VWA3B: variants seen among roughly 807,000 people sequenced by gnomAD.
The protein encoded by VWA3B is von Willebrand factor A domain containing 3B, also known as von Willebrand factor A domain-containing protein 3B.
Under a neutral mutation model 158.3 loss-of-function variants are expected in VWA3B, and 138 were observed. The observed-to-expected ratio is 0.87, with a 90% CI of 0.76 to 1.00. VWA3B has a LOEUF of 1.00. VWA3B is among the 50% of genes least tolerant of loss of function. The pLI is 0.00. For synonymous variants in VWA3B, 596 were observed against 587.3 expected (o/e 1.01, Z -0.21); for missense variants, 1,555 against 1,565.1 (o/e 0.99, Z 0.11).
chr2:98,123,597 G>A (rs1675135503), intron 5 of VWA3B, among the ~76,000 whole-genome samples: 1 of 152,220 alleles, frequency 6.6e-6, no homozygotes, highest in Non-Finnish European at 1.5e-5. Context: ...CACTGAAAGA[G>A]CATGATTGAT....
At chr2:98,296,649 C>A (rs1689816989) in intron 23 of VWA3B, among the ~76,000 whole-genome samples, 1 of 152,200 alleles carries the variant, frequency 6.6e-6, no homozygotes, top group African/African-American at 2.4e-5. Flanking sequence ...GGAGCTGCTG[C>A]AGCACATGCC....
intron 13 of VWA3B, 170 bp downstream of exon 13, chr2:98,212,198 T>C: frequency 1.8e-6 from 1 of 557,270 alleles, no homozygotes; most frequent in Non-Finnish European, 3.2e-6. Context: ...GATTCTTTTG[T>C]CTCTGGAAAC....
At chr2:98,141,914 G>A (rs1480479963) in intron 7 of VWA3B, among the ~76,000 whole-genome samples, 1 of 152,128 alleles carries the variant, frequency 6.6e-6, no homozygotes. Context: ...CTGAGGTCCT[G>A]GCAGACCCAA....
intron 22 of VWA3B, among the ~76,000 whole-genome samples, chr2:98,276,925 A>G (rs1443601911): frequency 6.6e-6 from 1 of 152,010 alleles, no homozygotes; most frequent in Non-Finnish European, 1.5e-5. Context: ...GGGCAGCTTC[A>G]TGATTTTTCT....
chr2:98,156,854 A>G (rs2105205746), intron 7 of VWA3B, among the ~76,000 whole-genome samples: 1 of 152,186 alleles, frequency 6.6e-6, no homozygotes, highest in Non-Finnish European at 1.5e-5. Context: ...CTTAGATATT[A>G]TTTCTCTGTC....
chr2:98,220,601 G>A (rs1184092216), intron 14 of VWA3B, among the ~76,000 whole-genome samples: 1 of 152,002 alleles, frequency 6.6e-6, no homozygotes, highest in Non-Finnish European at 1.5e-5. Flanking sequence ...CCCATTACTC[G>A]GTATATACCC....
intron 8 of VWA3B, among the ~76,000 whole-genome samples, chr2:98,172,889 G>A (rs13399675): frequency 0.084 from 12,759 of 152,194 alleles, 1,220 homozygotes; most frequent in African/African-American, 0.24. Flanking sequence ...CACTATTGGG[G>A]TGAAGTGAAC....
intron 11 of VWA3B, among the ~76,000 whole-genome samples, chr2:98,193,382 T>C (rs2105425523): frequency 6.6e-6 from 1 of 152,310 alleles, no homozygotes; most frequent in East Asian, 1.9e-4. Context: ...TGTACCCTGG[T>C]GCATGGGAGG....
rs1329492857 is a variant in VWA3B, at chr2:98,300,202, T to C, written c.3406T>C (p.Cys1136Arg). The C allele has an allele frequency of 6.2e-7, 1 of 1,614,162 alleles. No individual in the cohort carries two copies. Among genetic ancestry groups the C allele is most frequent in the Non-Finnish European group, 8.5e-7 (1 of 1,180,016 alleles). Reference protein sequence around the residue: ...ATEKFYTVLKCNNRREFCPRS... With the variant: ...ATEKFYTVLKRNNRREFCPRS... ...AGAAAAATTCTACACAGTTTTGAAGTGTAACAACCGGAGAGTAAGTAGATT... is the reference window on the plus strand; with the variant it reads ...AGAAAAATTCTACACAGTTTTGAAGCGTAACAACCGGAGAGTAAGTAGATT... Residue 1136 changes from cysteine (C) to arginine (R), a missense_variant, in exon 25 of 28, where the codon TGT becomes CGT. Transcript: ENST00000477737.
chr2:98,315,266 C>G (rs11124167), downstream of VWA3B, among the ~76,000 whole-genome samples: 21,328 of 151,976 alleles, frequency 0.14, 1,576 homozygotes, highest in Middle Eastern at 0.25. Context: ...TTAGCATATA[C>G]CAGAAGTAAT....
At position 98,112,299 on chromosome 2, in the gene VWA3B, T is replaced by TGGGG. The variant is rs1485048390; in HGVS notation, c.197-3352_197-3351insGGGG. Among the ~76,000 whole-genome samples, 64 of 149,418 alleles carry TGGGG rather than the reference T, an allele frequency of 4.3e-4. 1 individual carries two copies. The highest frequency in any genetic ancestry group is 1.6e-3 in the African/African-American group (63 of 40,374). ...TGTTTGGGGTGTGTGTGTGTGTGTGTGTGGGTGTGTGTGTGTGTGTGTGTG... is the reference window on the plus strand; with the variant it reads ...TGTTTGGGGTGTGTGTGTGTGTGTGTGGGGGTGGGTGTGTGTGTGTGTGTGTGTG... On this transcript the variant is annotated intron_variant, in intron 2 of 27. Coordinates refer to ENST00000477737, the MANE Select transcript of VWA3B (RefSeq NM_144992.5).
At chr2:98,316,190 G>A (rs796905681), downstream of VWA3B, among the ~76,000 whole-genome samples, 10 of 152,228 alleles carry the variant, frequency 6.6e-5, no homozygotes, top group African/African-American at 2.4e-4. Flanking sequence ...AACCCTATAA[G>A]CATGTTTACA....
At chr2:98,181,434 G>A (rs1165479972) in intron 9 of VWA3B, among the ~76,000 whole-genome samples, 1 of 152,194 alleles carries the variant, frequency 6.6e-6, no homozygotes, top group Non-Finnish European at 1.5e-5. Context: ...ACATCAGTGA[G>A]TTGTACATAA....
intron 8 of VWA3B, among the ~76,000 whole-genome samples, chr2:98,172,709 C>T (rs1461987874): frequency 6.6e-6 from 1 of 152,130 alleles, no homozygotes; most frequent in Non-Finnish European, 1.5e-5. Context: ...CAAAAGTAAG[C>T]TCCTAGATGG....
Position 98,300,213 on chromosome 2 carries a change from G to A in VWA3B, c.3417G>A (p.Arg1139=). 1 of 1,614,050 alleles carries A rather than the reference G, an allele frequency of 6.2e-7. No homozygotes were observed. Among genetic ancestry groups the A allele is most frequent in the South Asian group, 1.1e-5 (1 of 90,982 alleles). ...ACACAGTTTTGAAGTGTAACAACCG[G>A]AGAGTAAGTAGATTTTCATTTAGAA... The part of the protein sequence containing the change: ...KFYTVLKCNN[R]REFCPRSALI... The change falls in exon 25 of 28, where the codon CGG becomes CGA. Residue 1139 remains arginine (R), a synonymous_variant. Transcript: ENST00000477737.
rs951102241 is a variant in VWA3B, at chr2:98,232,720, G to T, written c.2309-1928G>T. Reference sequence around the variant, plus strand: ...GCCTTGACCTACTTTTGTGGGCTGTGGTTCTGATGGCGATTTAATTTTCAC... The same window carrying T: ...GCCTTGACCTACTTTTGTGGGCTGTTGTTCTGATGGCGATTTAATTTTCAC... On this transcript the variant is annotated intron_variant, in intron 16 of 27. Coordinates refer to ENST00000477737, the MANE Select transcript of VWA3B (RefSeq NM_144992.5). Among the ~76,000 whole-genome samples, 5 of 152,114 alleles carry T rather than the reference G, an allele frequency of 3.3e-5. No homozygotes were observed. In the East Asian group the frequency reaches 9.6e-4, roughly 29 times the overall value.
At chr2:98,127,599 G>A (rs1210414715) in intron 5 of VWA3B, among the ~76,000 whole-genome samples, 1 of 118,182 alleles carries the variant, frequency 8.5e-6, no homozygotes, top group Admixed American at 8.2e-5. Flanking sequence ...TGGGCGGGGG[G>A]GGGGGGGGTG....
chr2:98,227,392 A>G (rs1356352171), intron 14 of VWA3B, among the ~76,000 whole-genome samples: 3 of 152,194 alleles, frequency 2.0e-5, no homozygotes, highest in Non-Finnish European at 4.4e-5. Context: ...TTCTACTCCT[A>G]GATATTTATT....
chr2:98,165,163 G>A (rs1056996752), intron 8 of VWA3B, among the ~76,000 whole-genome samples: 2 of 152,188 alleles, frequency 1.3e-5, no homozygotes, highest in African/African-American at 4.8e-5. Context: ...GGCACACCTG[G>A]TGGACGCACA....
Sources: gnomAD v4.1 joint callset for allele counts (sites outside exome capture counted in the v4.1 genomes callset) on GRCh38, gnomAD v4.1.1 for gene constraint, MANE v1.5 for transcripts, NCBI Gene and HGNC (gene_info 2026-07-23, HGNC 2026-07-21) for gene names.